The following TBC1D26 variants were observed in gnomAD, a reference collection of about 807,000 sequenced individuals.
TBC1D26 encodes TBC1 domain family, member 26.
A neutral mutation model predicts 42.5 loss-of-function variants in TBC1D26; 19 were observed. The ratio of observed to expected loss-of-function variants is 0.45; its 90% CI spans 0.31 to 0.66. TBC1D26 has a LOEUF of 0.66. Among genes scored for constraint, TBC1D26 ranks in the 30% least tolerant of loss-of-function variants. The pLI is 0.06. For missense variants in TBC1D26, 228 were observed against 332.6 expected (o/e 0.69, Z 2.45); for synonymous variants, 97 against 123.5 (o/e 0.79, Z 1.42).
In TBC1D26 at chr17:15,737,499, C is replaced by T. The variant is rs1480433366; in HGVS notation, c.174C>T (p.Pro58=). ...NLGIVHEMEL[P]HVSALEVKQR... Reference sequence around the variant, plus strand: ...TGCCTTACAGTGAGATGGAGCTGCCCCACGTCAGTGCCCTGGAGGTGAAGG... The same window carrying T: ...TGCCTTACAGTGAGATGGAGCTGCCTCACGTCAGTGCCCTGGAGGTGAAGG... Residue 58 remains proline (P), a synonymous_variant, in exon 5 of 15, where the codon CCC becomes CCT. Transcript: ENST00000437605. 24 of 1,296,504 alleles carry T rather than the reference C, an allele frequency of 1.9e-5. No homozygotes were observed. The highest frequency in any genetic ancestry group is 2.5e-5 in the Non-Finnish European group (23 of 918,148). 80.3% of individuals were successfully genotyped at this position (1,296,504 alleles called of 1,614,324 possible). A position where few individuals can be genotyped will look rare whatever the true frequency, so the allele number is the denominator to read the frequency against.
chr17:15,743,833 T>G (rs1967855239), intron 14 of TBC1D26: 1 of 152,268 alleles, frequency 6.6e-6, no homozygotes, highest in Non-Finnish European at 1.5e-5. Context: ...AGCAGGCGCC[T>G]GTAGTCCCCA....
chr17:15,741,083 C>G, intron 9 of TBC1D26, 39 bp from the exon 10 acceptor site: 1 of 1,602,680 alleles, frequency 6.2e-7, no homozygotes, highest in Non-Finnish European at 8.5e-7. Flanking sequence ...CTCAGTCCTC[C>G]TAGGTGACAT....
At chr17:15,736,780 A>C (rs1232935816) in intron 4 of TBC1D26, among the ~76,000 whole-genome samples, 1 of 152,286 alleles carries the variant, frequency 6.6e-6, no homozygotes, top group Non-Finnish European at 1.5e-5. Context: ...AGTGCTGGGC[A>C]GCCCAGTCAG....
chr17:15,740,707 C>A, intron 9 of TBC1D26: 2 of 1,083,582 alleles, frequency 1.8e-6, no homozygotes, highest in South Asian at 6.0e-5. Flanking sequence ...CCCTTATGTC[C>A]GGCAGGCAGC....
chr17:15,738,229 C>T (rs768302082), intron 6 of TBC1D26, 51 bp from the exon 7 acceptor site: 27 of 1,610,436 alleles, frequency 1.7e-5, no homozygotes, highest in Non-Finnish European at 2.2e-5. Flanking sequence ...CAGCTTTGCT[C>T]TGCGGGGTCG....
chr17:15,739,718 G>A (rs550005179), intron 8 of TBC1D26, among the ~76,000 whole-genome samples: 127 of 152,392 alleles, frequency 8.3e-4, no homozygotes, highest in African/African-American at 2.9e-3. Flanking sequence ...ACGTGCTGGG[G>A]ACTTGGAAGA....
chr17:15,732,852 G>A (rs946343582), intron 1 of TBC1D26, among the ~76,000 whole-genome samples: 3 of 152,170 alleles, frequency 2.0e-5, no homozygotes, highest in Non-Finnish European at 2.9e-5. Context: ...CTTCACGTGC[G>A]GTCACTGAGG....
intron 5 of TBC1D26, 114 bp from the exon 6 acceptor site, chr17:15,737,883 C>T: frequency 7.2e-7 from 1 of 1,393,852 alleles, no homozygotes; most frequent in South Asian, 1.2e-5. Context: ...CCTGCCCTTT[C>T]CTGGCTTCTT....
rs1967680469 is a variant in TBC1D26, at chr17:15,738,329, C to T, written c.329C>T (p.Ala110Val). 1.1e-5 allele frequency: 17 copies of T among 1,613,682 alleles called. 1 individual carries two copies. The highest frequency in any genetic ancestry group is 8.3e-5 in the Admixed American group (5 of 59,994). The change falls in exon 7 of 15, where the codon GCG becomes GTG. Residue 110 changes from alanine (A) to valine (V), a missense_variant. Physicochemically the swap from Ala to Val is moderately conservative, Grantham distance 64 (BLOSUM62 0). Transcript: ENST00000437605. Reference protein sequence around the residue: ...KVIPLAVRGRAWSLLLDIDRI... With the variant: ...KVIPLAVRGRVWSLLLDIDRI... ...ATTCCCCTGGCGGTACGGGGCCGGG[C>T]GTGGTCACTTTTGCTAGATATTGAC...
At chr17:15,741,309 C>T in intron 10 of TBC1D26, 88 bp downstream of exon 10, 1 of 1,596,208 alleles carries the variant, frequency 6.3e-7, no homozygotes, top group Non-Finnish European at 8.5e-7. Context: ...GGCCGGTGAC[C>T]CTGACTTCCA....
At position 15,738,836 on chromosome 17, in the gene TBC1D26, G is replaced by A. The variant is rs1167474405; in HGVS notation, c.497+6G>A. 6.2e-7 allele frequency: 1 copy of A among 1,612,818 alleles called. No individual in the cohort carries two copies. Among genetic ancestry groups the A allele is most frequent in the Non-Finnish European group, 8.5e-7 (1 of 1,179,828 alleles). On this transcript the variant is annotated splice_donor_region_variant and intron_variant, in intron 8 of 14. Transcript: ENST00000437605. ...ATACAAAGATTCGGAGTCAAGTAAGGCCAATGGGGCTTGCAGGGGTCCCAG... is the reference window on the plus strand; with the variant it reads ...ATACAAAGATTCGGAGTCAAGTAAGACCAATGGGGCTTGCAGGGGTCCCAG...
intron 4 of TBC1D26, 88 bp from the exon 5 acceptor site, chr17:15,737,396 T>G: frequency 6.7e-7 from 1 of 1,482,890 alleles, no homozygotes; most frequent in Non-Finnish European, 9.2e-7. Flanking sequence ...TGGATGGGGG[T>G]AGGCTGGTCC....
At chr17:15,733,990 G>C (rs1332723151) in intron 1 of TBC1D26, 1 of 152,240 alleles carries the variant, frequency 6.6e-6, no homozygotes, top group African/African-American at 2.4e-5. Context: ...GCACTCACCG[G>C]GTGCATGTTC....
Position 15,735,442 on chromosome 17 carries a change from C to T in TBC1D26, c.75+19C>T, listed in dbSNP as rs369790985. The T allele has an allele frequency of 1.5e-4, 238 of 1,607,958 alleles. 1 individual carries two copies. The African/African-American group carries it at 2.7e-3, about 18-fold the overall frequency. ...TGAGCAGGTACAAGTTGGGCCGCTC[C>T]CTCAAGGGAAGCAGGGCCTCGCCTC... On this transcript the variant is annotated intron_variant, in intron 3 of 14. Transcript: ENST00000437605.
chr17:15,741,786 C>T (rs1967789535), intron 10 of TBC1D26, 156 bp from the exon 11 acceptor site: 2 of 670,118 alleles, frequency 3.0e-6, no homozygotes, highest in East Asian at 5.6e-5. Flanking sequence ...AGCCAGGGAC[C>T]TCCTCCCCAG....
chr17:15,740,047 T>A lies in TBC1D26; in HGVS notation c.498-53T>A, dbSNP rs1482782206. 7.0e-6 allele frequency: 11 copies of A among 1,567,454 alleles called. No homozygotes were observed. The Admixed American group carries it at 2.1e-4, about 29-fold the overall frequency. On this transcript the variant is annotated intron_variant, in intron 8 of 14. Coordinates refer to ENST00000437605, the MANE Select transcript of TBC1D26 (RefSeq NM_001388465.1). ...TTTGGGTTTGTAGACAAAATGAAAT[T>A]GACAGCGTCTGCACACACACAAAAA...
chr17:15,740,588 G>C lies in TBC1D26; in HGVS notation c.546+440G>C, dbSNP rs183354239. 71 of 1,093,512 alleles carry C rather than the reference G, an allele frequency of 6.5e-5. No individual in the cohort carries two copies. In the African/African-American group the frequency reaches 1.0e-3, roughly 16 times the overall value. 67.7% of individuals were successfully genotyped at this position (1,093,512 alleles called of 1,614,324 possible). ...ATAGGAGCATAGCAGATAGGGAGGGGGGTCACCCAGGTGGCTGTTCCTGCT... is the reference window on the plus strand; with the variant it reads ...ATAGGAGCATAGCAGATAGGGAGGGCGGTCACCCAGGTGGCTGTTCCTGCT... On this transcript the variant is annotated intron_variant, in intron 9 of 14. Coordinates refer to ENST00000437605, the MANE Select transcript of TBC1D26 (RefSeq NM_001388465.1).
chr17:15,740,863 A>G, intron 9 of TBC1D26: 1 of 627,732 alleles, frequency 1.6e-6, no homozygotes, highest in Non-Finnish European at 2.6e-6. Context: ...ACAATCCCTG[A>G]CTGTGCCCTT....
At chr17:15,739,843 A>G (rs956393224) in intron 8 of TBC1D26, among the ~76,000 whole-genome samples, 2 of 152,282 alleles carry the variant, frequency 1.3e-5, no homozygotes, top group African/African-American at 4.8e-5. Context: ...CAAACTGAGA[A>G]AAAGGGGAAG....
Sources: allele counts gnomAD v4.1 joint callset (sites outside exome capture counted in the v4.1 genomes callset), GRCh38; gene constraint gnomAD v4.1.1; transcripts MANE v1.5; gene names NCBI Gene and HGNC (gene_info 2026-07-23, HGNC 2026-07-21).